The following ARSJ variants were observed in gnomAD, a reference collection of about 807,000 sequenced individuals.
ARSJ encodes arylsulfatase family member J.
Under a neutral mutation model 35.9 loss-of-function variants are expected in ARSJ, and 26 were observed. The observed-to-expected ratio is 0.72, with a 90% confidence interval of 0.53 to 1.00. ARSJ has a LOEUF of 1.00. Among genes scored for constraint, ARSJ ranks in the 50% least tolerant of loss-of-function variants. The pLI, the probability that ARSJ is intolerant of heterozygous loss-of-function variation, is 0.00. For missense variants in ARSJ, 667 were observed against 723.6 expected, an observed-to-expected ratio of 0.92 and a Z score of 0.90; for synonymous variants, 294 against 267.6, an observed-to-expected ratio of 1.10 and a Z score of -0.96.
intron 1 of ARSJ, among the ~76,000 whole-genome samples, chr4:113,906,090 C>T (rs899519762): frequency 6.6e-6 from 1 of 152,054 alleles, no homozygotes; most frequent in African/African-American, 2.4e-5. Flanking sequence ...CACACAAGTA[C>T]ATGACAAATT....
chr4:113,919,330 G>C (rs986743319), intron 1 of ARSJ, among the ~76,000 whole-genome samples: 2 of 152,016 alleles, frequency 1.3e-5, no homozygotes, highest in Admixed American at 1.3e-4. Flanking sequence ...GCCGAACCAA[G>C]GTGACAGCAA....
Position 113,903,356 on chromosome 4 carries a change from G to A in ARSJ, c.718C>T (p.Gln240Ter), listed in dbSNP as rs1035652777. The A allele has an allele frequency of 2.2e-5, 35 of 1,614,046 alleles. No homozygotes were observed. Among genetic ancestry groups the A allele is most frequent in the Non-Finnish European group, 2.7e-5 (32 of 1,180,046 alleles). The change falls in exon 2 of 2, where the codon CAG (glutamine) becomes TAG (stop). Residue 240 changes from glutamine (Q) to a stop codon, truncating the protein, a stop_gained. Transcript: ENST00000315366. LOFTEE classifies it high-confidence loss of function. Reference sequence around the variant, plus strand: ...TGCTGTACTCTCTGAGTGTACATCTGTGTGGAGTATATGCCATTGTCATAG... The same window carrying A: ...TGCTGTACTCTCTGAGTGTACATCTATGTGGAGTATATGCCATTGTCATAG... ...WDYDNGIYSTQMYTQRVQQIL... is the reference protein window; with the variant it reads ...WDYDNGIYST
intron 1 of ARSJ, among the ~76,000 whole-genome samples, chr4:113,969,282 C>A (rs961050714): frequency 6.6e-6 from 1 of 152,132 alleles, no homozygotes; most frequent in East Asian, 1.9e-4. Flanking sequence ...CCTTTTTGGA[C>A]ATCTCAGAAC....
At chr4:113,920,060 G>A (rs1321050493) in intron 1 of ARSJ, among the ~76,000 whole-genome samples, 1 of 151,902 alleles carries the variant, frequency 6.6e-6, no homozygotes, top group Non-Finnish European at 1.5e-5. Context: ...ATAAAATAGG[G>A]GACAGATTAA....
At chr4:113,954,830 G>A (rs979813181) in intron 1 of ARSJ, among the ~76,000 whole-genome samples, 4 of 151,984 alleles carry the variant, frequency 2.6e-5, no homozygotes, top group African/African-American at 9.7e-5. Context: ...CAGATGTCTG[G>A]AAGCTCTTAG....
chr4:113,937,290 A>T (rs894938403), intron 1 of ARSJ, among the ~76,000 whole-genome samples: 1 of 151,948 alleles, frequency 6.6e-6, no homozygotes, highest in African/African-American at 2.4e-5. Flanking sequence ...AAGAACACGA[A>T]CCCTTAGGAA....
chr4:113,924,238 A>C (rs914552852), intron 1 of ARSJ, among the ~76,000 whole-genome samples: 4 of 151,350 alleles, frequency 2.6e-5, no homozygotes, highest in African/African-American at 9.7e-5. Flanking sequence ...CTTGGAGTCC[A>C]ACGTTCGAGG....
At chr4:113,964,695 G>A (rs1726779143) in intron 1 of ARSJ, among the ~76,000 whole-genome samples, 1 of 152,010 alleles carries the variant, frequency 6.6e-6, no homozygotes, top group Admixed American at 6.6e-5. Context: ...TCACCATGGA[G>A]CGTTAAAGAT....
chr4:113,900,957 G>T lies in ARSJ; in HGVS notation c.*1317C>A, dbSNP rs915265651. The T allele has an allele frequency of 6.6e-6, 1 of 152,048 alleles. No individual in the cohort carries two copies. The highest frequency in any genetic ancestry group is 1.5e-5 in the Non-Finnish European group (1 of 68,024). 9.4% of individuals were successfully genotyped at this position (152,048 alleles called of 1,614,324 possible). A position where few individuals can be genotyped will look rare whatever the true frequency, so the allele number is the denominator to read the frequency against. ...TTTATTACTTTTAATGGGAAAAACC[G>T]CAACTAGTTTTGCACCAACCTAATA... On this transcript the variant is annotated 3_prime_UTR_variant, in exon 2 of 2. Coordinates refer to ENST00000315366, the MANE Select transcript of ARSJ (RefSeq NM_024590.4).
chr4:113,938,455 AT>A (rs1562356228), intron 1 of ARSJ, among the ~76,000 whole-genome samples: 1 of 152,118 alleles, frequency 6.6e-6, no homozygotes, highest in Non-Finnish European at 1.5e-5. Flanking sequence ...AATCTAGGCA[AT>A]ACCATTTAGG....
At chr4:113,962,502 A>G (rs1354249173) in intron 1 of ARSJ, among the ~76,000 whole-genome samples, 2 of 133,270 alleles carry the variant, frequency 1.5e-5, no homozygotes, top group South Asian at 2.4e-4. Flanking sequence ...TTTTTTTTCT[A>G]ATAGTTGAAT....
In ARSJ at chr4:113,920,872, T is replaced by G. The variant is rs181944057; in HGVS notation, c.399-17197A>C. The stretch of plus-strand genomic sequence containing the variant: ...GCCCAGGAAACCAGAAATGTCACAT[T>G]CATATTCTCGAACAATTTAATCTGA... On this transcript the variant is annotated intron_variant, in intron 1 of 1. Transcript: ENST00000315366. Among the ~76,000 whole-genome samples, 79 of 152,246 alleles carry G rather than the reference T, an allele frequency of 5.2e-4. 1 individual carries two copies. Among genetic ancestry groups the G allele is most frequent in the African/African-American group, 1.6e-3 (66 of 41,566 alleles).
chr4:113,934,576 A>G (rs1724655548), intron 1 of ARSJ, among the ~76,000 whole-genome samples: 1 of 151,754 alleles, frequency 6.6e-6, no homozygotes, highest in South Asian at 2.1e-4. Context: ...CACAAGTAAG[A>G]TCAGTAAGGT....
intron 1 of ARSJ, among the ~76,000 whole-genome samples, chr4:113,972,931 C>T (rs1727367314): frequency 6.6e-6 from 1 of 152,164 alleles, no homozygotes. Context: ...GCTCTTGTCT[C>T]CCTTTAAAAG....
At chr4:113,920,542 T>A (rs1723602746) in intron 1 of ARSJ, among the ~76,000 whole-genome samples, 1 of 152,152 alleles carries the variant, frequency 6.6e-6, no homozygotes, top group African/African-American at 2.4e-5. Context: ...GGGTTTCAGT[T>A]CTAACATTCT....
At chr4:113,970,753 G>A (rs191645549) in intron 1 of ARSJ, 1 of 152,204 alleles carries the variant, frequency 6.6e-6, no homozygotes, top group Non-Finnish European at 1.5e-5. Flanking sequence ...CCAGGAGTTA[G>A]AGACCAGCTT....
At chr4:113,978,309 ATTCATTCATTC>A in intron 1 of ARSJ, 117 bp downstream of exon 1, 1 of 869,168 alleles carries the variant, frequency 1.2e-6, no homozygotes, top group Non-Finnish European at 1.8e-6. Context: ...ACCATACATC[ATTCATTCATTC>A]TTCATTCATT....
Position 113,901,471 on chromosome 4 carries a change from AAAAAT to A in ARSJ, c.*798_*802del, listed in dbSNP as rs1347319034. On this transcript the variant is annotated 3_prime_UTR_variant, in exon 2 of 2. Coordinates refer to ENST00000315366, the MANE Select transcript of ARSJ (RefSeq NM_024590.4). ...ATTATTCTAATGGTATGCAGGAAATAAAAATAAAATAAAGTCATTTGCATAACTTT... is the reference window on the plus strand; with the variant it reads ...ATTATTCTAATGGTATGCAGGAAATAAAAATAAAGTCATTTGCATAACTTT... The A allele has an allele frequency of 2.3e-5, 2 of 87,048 alleles. No homozygotes were observed. The highest frequency in any genetic ancestry group is 5.5e-5 in the African/African-American group (2 of 36,470). The allele number at this position is 87,048 out of a possible 1,614,324, so 5.4% of individuals were successfully genotyped here.
At chr4:113,930,997 G>A (rs1724407880) in intron 1 of ARSJ, among the ~76,000 whole-genome samples, 1 of 151,622 alleles carries the variant, frequency 6.6e-6, no homozygotes. Context: ...GACACAGGAA[G>A]GGGAATATGA....
Sources: gnomAD v4.1 joint callset for allele counts (sites outside exome capture counted in the v4.1 genomes callset) on GRCh38, gnomAD v4.1.1 for gene constraint, MANE v1.5 for transcripts, NCBI Gene and HGNC (gene_info 2026-07-23, HGNC 2026-07-21) for gene names.